Variants in FBXL13 observed in about 807,000 individuals in gnomAD.
FBXL13 encodes F-box and leucine rich repeat protein 13, also known as F-box and leucine-rich repeat protein 13.
Under a neutral mutation model 83.6 loss-of-function variants are expected in FBXL13, and 67 were observed. The observed-to-expected ratio is 0.80, with a 90% CI of 0.66 to 0.98. The LOEUF (loss-of-function observed/expected upper bound fraction) is 0.98. FBXL13 is among the 50% of genes least tolerant of loss of function. The pLI is 0.00. For synonymous variants in FBXL13, 272 were observed against 299.5 expected (o/e 0.91, Z 0.95); for missense variants, 822 against 866.5 (o/e 0.95, Z 0.64).
At chr7:102,869,082 T>C (rs2129455927) in intron 16 of FBXL13, among the ~76,000 whole-genome samples, 1 of 152,360 alleles carries the variant, frequency 6.6e-6, no homozygotes, top group South Asian at 2.1e-4. Context: ...GCTGTACTAA[T>C]TGTAATTTCC....
intron 2 of FBXL13, among the ~76,000 whole-genome samples, chr7:103,054,272 C>T (rs566949514): frequency 6.6e-6 from 1 of 152,026 alleles, no homozygotes; most frequent in South Asian, 2.1e-4. Flanking sequence ...CATCTGTAAT[C>T]CCAGCTACTT....
intron 11 of FBXL13, among the ~76,000 whole-genome samples, chr7:102,889,199 T>C (rs1035209973): frequency 1.2e-4 from 19 of 152,126 alleles, no homozygotes; most frequent in Non-Finnish European, 2.6e-4. Context: ...AGTTGTGTGA[T>C]CGGAGAACAG....
In FBXL13 at chr7:102,889,252, T is replaced by C. The variant is rs188764710; in HGVS notation, c.1009-4940A>G. ...CACAACGTGGCCCCAGTGCTGAACA[T>C]AGTGTCTGACACAGAGTGGGTGCTC... On this transcript the variant is annotated intron_variant, in intron 11 of 19. Coordinates refer to ENST00000313221, the Ensembl canonical transcript of FBXL13. 2.6e-4 allele frequency among the ~76,000 whole-genome samples: 39 copies of C among 152,250 alleles called. No individual in the cohort carries two copies. The East Asian group carries it at 7.2e-3, about 28-fold the overall frequency.
chr7:103,045,215 T>G (rs1484895237), intron 2 of FBXL13, among the ~76,000 whole-genome samples: 1 of 152,220 alleles, frequency 6.6e-6, no homozygotes. Flanking sequence ...CACTCAGCAG[T>G]GTATGAATGG....
intron 10 of FBXL13, among the ~76,000 whole-genome samples, chr7:102,921,912 C>T (rs999053636): frequency 3.3e-5 from 5 of 151,972 alleles, no homozygotes; most frequent in Admixed American, 1.3e-4. Context: ...GGGTCAAGTC[C>T]AGGCATGGTG....
chr7:102,877,536 T>G (rs1422234037), exon 16 of FBXL13: 1 of 1,611,548 alleles, frequency 6.2e-7, no homozygotes, highest in Non-Finnish European at 8.5e-7. Context: ...TATATCCAAT[T>G]CCTTGGGCAG....
chr7:102,811,303 G>C (rs1414137851), downstream of FBXL13, among the ~76,000 whole-genome samples: 1 of 152,070 alleles, frequency 6.6e-6, no homozygotes, highest in Non-Finnish European at 1.5e-5. Flanking sequence ...TTACTCTCTT[G>C]GACACAGACC....
chr7:102,931,821 C>A, intron 9 of FBXL13, 60 bp downstream of exon 10: 2 of 1,483,434 alleles, frequency 1.3e-6, no homozygotes, highest in Non-Finnish European at 1.9e-6. Flanking sequence ...TGCATATTGG[C>A]ACCCCAATGT....
At chr7:102,834,010 G>T (rs140746865) in intron 17 of FBXL13, among the ~76,000 whole-genome samples, 1 of 137,402 alleles carries the variant, frequency 7.3e-6, no homozygotes, top group African/African-American at 2.8e-5. Flanking sequence ...AAAGCAATAG[G>T]AGTAGAAATT....
Position 102,873,756 on chromosome 7 carries a change from G to A in FBXL13, c.1635+3711C>T, listed in dbSNP as rs77200419. ...AACATCATCTCTCACCATACTTCTC[G>A]CCAATAAGCCATACCCAAATGTGTA... On this transcript the variant is annotated intron_variant, in intron 16 of 19. Coordinates refer to ENST00000313221, the Ensembl canonical transcript of FBXL13. Among the ~76,000 whole-genome samples, 570 of 152,164 alleles carry A rather than the reference G, an allele frequency of 3.7e-3. 5 individuals carry two copies. The highest frequency in any genetic ancestry group is 0.014 in the African/African-American group (562 of 41,512).
intron 8 of FBXL13, among the ~76,000 whole-genome samples, chr7:102,960,393 T>G (rs1824991475): frequency 6.6e-6 from 1 of 152,228 alleles, no homozygotes; most frequent in East Asian, 1.9e-4. Flanking sequence ...ACAGCCGAAT[T>G]CTACCAGAGG....
At chr7:102,986,926 C>A (rs1037508422) in intron 6 of FBXL13, among the ~76,000 whole-genome samples, 7 of 151,186 alleles carry the variant, frequency 4.6e-5, no homozygotes, top group African/African-American at 1.7e-4. Flanking sequence ...GATACACACA[C>A]ACACACACAC....
chr7:102,830,346 G>C (rs189293811), intron 18 of FBXL13, among the ~76,000 whole-genome samples: 27 of 152,252 alleles, frequency 1.8e-4, no homozygotes, highest in African/African-American at 4.8e-4. Flanking sequence ...TTTATAGCCA[G>C]GGCAGTTCTC....
intron 6 of FBXL13, among the ~76,000 whole-genome samples, chr7:102,995,744 G>T (rs374414852): frequency 6.8e-6 from 1 of 147,752 alleles, no homozygotes; most frequent in Non-Finnish European, 1.5e-5. Context: ...CTGAGATGGC[G>T]CCACTGCACT....
chr7:102,907,130 G>A (rs1239331201), intron 11 of FBXL13, among the ~76,000 whole-genome samples: 2 of 151,874 alleles, frequency 1.3e-5, no homozygotes, highest in Non-Finnish European at 2.9e-5. Flanking sequence ...CCACCACCAC[G>A]TCTGGCTAAT....
At chr7:102,865,595 G>A (rs1397959866) in intron 16 of FBXL13, among the ~76,000 whole-genome samples, 2 of 152,052 alleles carry the variant, frequency 1.3e-5, no homozygotes, top group African/African-American at 2.4e-5. Context: ...AGGCTGGAGT[G>A]CAATGGCGTG....
At chr7:102,886,778 C>A (rs1433114343) in intron 11 of FBXL13, among the ~76,000 whole-genome samples, 2 of 151,994 alleles carry the variant, frequency 1.3e-5, no homozygotes, top group Non-Finnish European at 2.9e-5. Flanking sequence ...AATATGAGCA[C>A]CCAGACAAAA....
intron 6 of FBXL13, among the ~76,000 whole-genome samples, chr7:103,011,003 CA>C (rs1300706181): frequency 6.6e-6 from 1 of 151,656 alleles, no homozygotes; most frequent in African/African-American, 2.4e-5. Flanking sequence ...AATCAAACCC[CA>C]AGGGCATCAA....
At chr7:103,029,032 T>G (rs1218512600) in intron 3 of FBXL13, among the ~76,000 whole-genome samples, 1 of 152,092 alleles carries the variant, frequency 6.6e-6, no homozygotes, top group African/African-American at 2.4e-5. Flanking sequence ...CCTAATGATG[T>G]CTTTTTTTAA....
Sources: gnomAD v4.1 joint callset for allele counts (sites outside exome capture counted in the v4.1 genomes callset) on GRCh38, gnomAD v4.1.1 for gene constraint, MANE v1.5 for transcripts, NCBI Gene and HGNC (gene_info 2026-07-23, HGNC 2026-07-21) for gene names.